NCK1: variants seen among roughly 807,000 people sequenced by gnomAD.
The protein encoded by NCK1 is SH2/SH3 adapter protein NCK1.
NCK1 carries 19 observed loss-of-function variants against 36.6 expected under a neutral mutation model. The observed-to-expected ratio is 0.52, with a 90% confidence interval of 0.36 to 0.76. The LOEUF is 0.76. NCK1 is among the 30% of genes least tolerant of loss of function. The pLI, the probability that NCK1 is intolerant of heterozygous loss-of-function variation, is 0.00. For missense variants in NCK1, 358 were observed against 445.6 expected (o/e 0.80, Z 1.77); for synonymous variants, 165 against 156.0 (o/e 1.06, Z -0.43).
intron 2 of NCK1, among the ~76,000 whole-genome samples, chr3:136,935,659 A>G (rs1279978721): frequency 3.3e-5 from 5 of 152,232 alleles, no homozygotes; most frequent in African/African-American, 1.2e-4. Flanking sequence ...AAGTGTTGGC[A>G]ATAAGGAGAT....
At chr3:136,927,917 C>G in intron 1 of NCK1, 67 bp from the exon 2 acceptor site, 1 of 1,153,058 alleles carries the variant, frequency 8.7e-7, no homozygotes. Context: ...AGGTGTGTCT[C>G]TTTTGAAAAG....
At chr3:136,896,018 TA>T (rs1939382713) in intron 1 of NCK1, among the ~76,000 whole-genome samples, 1 of 152,180 alleles carries the variant, frequency 6.6e-6, no homozygotes. Flanking sequence ...TTTTTATTGA[TA>T]TATAATATTT....
At chr3:136,863,021 C>T (rs202053308) in intron 1 of NCK1, among the ~76,000 whole-genome samples, 4 of 16,006 alleles carry the variant, frequency 2.5e-4, no homozygotes, top group African/African-American at 6.5e-4. Context: ...TGTAACCTTT[C>T]TTCTGTATTA....
Position 136,862,287 on chromosome 3 carries a change from G to C in NCK1, c.-85G>C, listed in dbSNP as rs1343991347. ...GCCTCGTGCCGTTACGGCCATCACG[G>C]CGGCCGCAGTGGCGTCCTGGAGCCC... On this transcript the variant is annotated 5_prime_UTR_variant, in exon 1 of 4. Coordinates refer to ENST00000481752, the MANE Select transcript of NCK1 (RefSeq NM_001291999.2). 1 of 152,612 alleles carries C rather than the reference G, an allele frequency of 6.6e-6. No homozygotes were observed. Among genetic ancestry groups the C allele is most frequent in the African/African-American group, 2.4e-5 (1 of 41,428 alleles). 9.5% of individuals were successfully genotyped at this position (152,612 alleles called of 1,614,324 possible). A position where few individuals can be genotyped will look rare whatever the true frequency, so the allele number is the denominator to read the frequency against.
At chr3:136,907,551 C>T (rs1939717660) in intron 1 of NCK1, among the ~76,000 whole-genome samples, 1 of 152,172 alleles carries the variant, frequency 6.6e-6, no homozygotes, top group Non-Finnish European at 1.5e-5. Context: ...CAGTGGAGGT[C>T]TCTCAGCTCT....
chr3:136,882,209 A>G (rs1938961000), intron 1 of NCK1, among the ~76,000 whole-genome samples: 1 of 152,164 alleles, frequency 6.6e-6, no homozygotes, highest in Admixed American at 6.5e-5. Flanking sequence ...TTTTTTAAAA[A>G]TAGTAGCTAT....
intron 1 of NCK1, among the ~76,000 whole-genome samples, chr3:136,913,516 C>CT (rs1192699498): frequency 1.3e-5 from 2 of 152,200 alleles, no homozygotes; most frequent in African/African-American, 4.8e-5. Flanking sequence ...AGTCCTCCCG[C>CT]TTTGGCCTCT....
At chr3:136,918,676 T>C (rs1940026701) in intron 1 of NCK1, among the ~76,000 whole-genome samples, 1 of 152,198 alleles carries the variant, frequency 6.6e-6, no homozygotes, top group African/African-American at 2.4e-5. Context: ...ATGAGATTTT[T>C]TGGTGATTAT....
chr3:136,867,080 CTT>C (rs1938446255), intron 1 of NCK1, among the ~76,000 whole-genome samples: 1 of 3,732 alleles, frequency 2.7e-4, no homozygotes, highest in African/African-American at 8.0e-4. Flanking sequence ...TTCTTTCTTT[CTT>C]TCTTTCTTTC....
chr3:136,888,333 A>C (rs1156348802), intron 1 of NCK1, among the ~76,000 whole-genome samples: 1 of 152,184 alleles, frequency 6.6e-6, no homozygotes, highest in Non-Finnish European at 1.5e-5. Context: ...CATACTATAC[A>C]GTTCACTCAT....
chr3:136,940,242 T>C (rs1290897706), intron 2 of NCK1, among the ~76,000 whole-genome samples: 1 of 152,154 alleles, frequency 6.6e-6, no homozygotes, highest in East Asian at 1.9e-4. Flanking sequence ...ATGTGTGATA[T>C]ATTCTGCTTT....
intron 1 of NCK1, among the ~76,000 whole-genome samples, chr3:136,883,659 C>T (rs900054837): frequency 6.6e-6 from 1 of 152,150 alleles, no homozygotes; most frequent in African/African-American, 2.4e-5. Flanking sequence ...GCTTAGGATA[C>T]ATTAGTCATT....
chr3:136,926,584 GTTT>G (rs1442470792), intron 1 of NCK1, among the ~76,000 whole-genome samples: 3 of 151,802 alleles, frequency 2.0e-5, no homozygotes, highest in Non-Finnish European at 4.4e-5. Flanking sequence ...CACTCTTTTT[GTTT>G]TTTAATGTTA....
chr3:136,874,535 A>G (rs1265676878), intron 1 of NCK1, among the ~76,000 whole-genome samples: 1 of 151,998 alleles, frequency 6.6e-6, no homozygotes, highest in Non-Finnish European at 1.5e-5. Context: ...GTATATACAC[A>G]TTGGAGTAGA....
Position 136,906,390 on chromosome 3 carries a change from A to G in NCK1, c.-18-21594A>G, listed in dbSNP as rs1033212721. Among the ~76,000 whole-genome samples the G allele has an allele frequency of 7.9e-5, 12 of 152,258 alleles. No homozygotes were observed. In the East Asian group the frequency reaches 1.9e-3, roughly 25 times the overall value. On this transcript the variant is annotated intron_variant, in intron 1 of 3. Transcript: ENST00000481752. ...CTCCCAAAGTGCTAGGATTACAGGT[A>G]TGAGCCACCATGCCTGGCCTGTGAT...
At chr3:136,896,045 C>T (rs537153079) in intron 1 of NCK1, among the ~76,000 whole-genome samples, 1 of 152,080 alleles carries the variant, frequency 6.6e-6, no homozygotes, top group African/African-American at 2.4e-5. Flanking sequence ...ATTTACGAGG[C>T]ACATGTGACA....
chr3:136,934,251 A>G (rs758654513), intron 2 of NCK1, among the ~76,000 whole-genome samples: 1 of 151,742 alleles, frequency 6.6e-6, no homozygotes, highest in African/African-American at 2.4e-5. Context: ...TACATAGGTA[A>G]ATACATGTCA....
At chr3:136,924,142 A>G (rs1940182268) in intron 1 of NCK1, among the ~76,000 whole-genome samples, 2 of 152,228 alleles carry the variant, frequency 1.3e-5, no homozygotes, top group South Asian at 2.1e-4. Flanking sequence ...CAGTGCTACA[A>G]ATCTACCATT....
In NCK1 at chr3:136,928,012, A is replaced by T. The variant is rs767008989; in HGVS notation, c.11A>T (p.Glu4Val). The change falls in exon 2 of 4, where the codon GAA becomes GTA. Residue 4 changes from glutamate to valine, a missense_variant. Glu to Val is a moderately radical substitution (Grantham distance 121, BLOSUM62 -2). This residue lies in a region of NCK1 where 143 missense variants were observed against 162.4 expected (regional missense o/e 0.88). Transcript: ENST00000481752. The part of the protein sequence containing the change: MAE[E>V]VVVVAKFDYV... Reference sequence around the variant, plus strand: ...TGAAGCTGCTGAAAGATGGCAGAAGAAGTGGTGGTAGTAGCCAAATTTGAT... The same window carrying T: ...TGAAGCTGCTGAAAGATGGCAGAAGTAGTGGTGGTAGTAGCCAAATTTGAT... 9 of 1,612,898 alleles carry T rather than the reference A, an allele frequency of 5.6e-6. No individual in the cohort carries two copies. The highest frequency in any genetic ancestry group is 5.5e-5 in the South Asian group (5 of 91,046).
Sources: gnomAD v4.1 joint callset for allele counts (sites outside exome capture counted in the v4.1 genomes callset) on GRCh38, gnomAD v4.1.1 for gene constraint, gnomAD v4.1.1 regional missense constraint, MANE v1.5 for transcripts, NCBI Gene and HGNC (gene_info 2026-07-23, HGNC 2026-07-21) for gene names.